The following THSD7B variants were observed in gnomAD, a reference collection of about 807,000 sequenced individuals.
THSD7B encodes thrombospondin type-1 domain-containing protein 7B.
Under a neutral mutation model 213.6 loss-of-function variants are expected in THSD7B, and 138 were observed. That is an observed-to-expected ratio of 0.65 (90% CI 0.56 to 0.74). THSD7B has a LOEUF of 0.74. Among genes scored for constraint, THSD7B ranks in the 30% least tolerant of loss-of-function variants. The pLI is 0.00. For missense variants in THSD7B, 1,931 were observed against 1,991.5 expected, an observed-to-expected ratio of 0.97 and a Z score of 0.58; for synonymous variants, 742 against 687.0, an observed-to-expected ratio of 1.08 and a Z score of -1.25.
chr2:137,311,946 A>G (rs1262406666), intron 12 of THSD7B, among the ~76,000 whole-genome samples: 2 of 144,128 alleles, frequency 1.4e-5, no homozygotes, highest in African/African-American at 5.2e-5. Context: ...ATGTTCATCA[A>G]GGATATTGGT....
intron 1 of THSD7B, among the ~76,000 whole-genome samples, chr2:136,800,586 G>A (rs1453100908): frequency 6.6e-6 from 1 of 151,998 alleles, no homozygotes; most frequent in Admixed American, 6.6e-5. Flanking sequence ...ACTGTTTAAT[G>A]TATTGTTCAA....
At chr2:136,925,158 T>C (rs541351314) in intron 2 of THSD7B, among the ~76,000 whole-genome samples, 1 of 152,290 alleles carries the variant, frequency 6.6e-6, no homozygotes, top group African/African-American at 2.4e-5. Context: ...GATTTACATG[T>C]CTTCTATTCA....
chr2:137,496,984 A>G (rs1679583109), intron 15 of THSD7B, among the ~76,000 whole-genome samples: 1 of 152,128 alleles, frequency 6.6e-6, no homozygotes, highest in African/African-American at 2.4e-5. Flanking sequence ...GATTCTTTGT[A>G]TGTCCATTCT....
At chr2:137,036,821 G>A (rs1410641841) in intron 2 of THSD7B, among the ~76,000 whole-genome samples, 7 of 152,130 alleles carry the variant, frequency 4.6e-5, no homozygotes, top group African/African-American at 9.7e-5. Flanking sequence ...TTGTCTGTCC[G>A]CACAGTGGCT....
At chr2:136,956,321 A>C (rs1219286726) in intron 2 of THSD7B, among the ~76,000 whole-genome samples, 2 of 152,176 alleles carry the variant, frequency 1.3e-5, no homozygotes, top group African/African-American at 4.8e-5. Flanking sequence ...TGAGTCTTCC[A>C]GTGGCTAAAA....
At chr2:136,860,238 G>A (rs945137549) in intron 1 of THSD7B, among the ~76,000 whole-genome samples, 3 of 151,932 alleles carry the variant, frequency 2.0e-5, no homozygotes, top group African/African-American at 7.3e-5. Flanking sequence ...ACAGCGATGC[G>A]AGTAGAGGGA....
At chr2:137,626,581 T>G (rs1195693272) in intron 20 of THSD7B, among the ~76,000 whole-genome samples, 1 of 152,204 alleles carries the variant, frequency 6.6e-6, no homozygotes, top group Non-Finnish European at 1.5e-5. Context: ...GCAAAGGGTC[T>G]CTTGGCAGTA....
chr2:137,477,881 T>C (rs973250396), intron 15 of THSD7B, among the ~76,000 whole-genome samples: 1 of 152,128 alleles, frequency 6.6e-6, no homozygotes, highest in Non-Finnish European at 1.5e-5. Context: ...TAGTTTTTTT[T>C]TTCTTTCAGC....
intron 2 of THSD7B, among the ~76,000 whole-genome samples, chr2:136,889,691 A>G (rs1470850875): frequency 6.6e-6 from 1 of 152,156 alleles, no homozygotes; most frequent in African/African-American, 2.4e-5. Flanking sequence ...TCACATGCCC[A>G]TCATTAATTT....
At chr2:137,304,806 G>T (rs540845806) in intron 12 of THSD7B, among the ~76,000 whole-genome samples, 1 of 151,774 alleles carries the variant, frequency 6.6e-6, no homozygotes, top group African/African-American at 2.4e-5. Flanking sequence ...ATGATATATA[G>T]TTTTCTTAGC....
chr2:136,966,102 C>A (rs1333827989), intron 2 of THSD7B, among the ~76,000 whole-genome samples: 1 of 152,206 alleles, frequency 6.6e-6, no homozygotes, highest in Non-Finnish European at 1.5e-5. Flanking sequence ...AGATCTTCCC[C>A]TCCTGGCAAC....
intron 12 of THSD7B, among the ~76,000 whole-genome samples, chr2:137,328,366 A>T (rs542211247): frequency 1.2e-3 from 179 of 152,318 alleles, no homozygotes; most frequent in Non-Finnish European, 2.2e-3. Context: ...CCAAGACTTA[A>T]TTGTATTGAA....
chr2:137,102,448 G>T (rs1688169203), intron 4 of THSD7B, among the ~76,000 whole-genome samples: 1 of 152,226 alleles, frequency 6.6e-6, no homozygotes, highest in African/African-American at 2.4e-5. Context: ...GTGCAAAAAT[G>T]CTGAAAATTC....
chr2:136,988,002 C>A (rs1317797259), intron 2 of THSD7B, among the ~76,000 whole-genome samples: 1 of 152,130 alleles, frequency 6.6e-6, no homozygotes, highest in East Asian at 1.9e-4. Flanking sequence ...TTAACAAAAC[C>A]TTTATTGAAA....
intron 12 of THSD7B, among the ~76,000 whole-genome samples, chr2:137,324,572 A>G (rs770428719): frequency 2.6e-5 from 4 of 152,198 alleles, no homozygotes; most frequent in Non-Finnish European, 5.9e-5. Context: ...TTAAAGGGGT[A>G]TAAATTACAT....
chr2:137,043,234 C>A (rs192684150), intron 2 of THSD7B, among the ~76,000 whole-genome samples: 1 of 152,218 alleles, frequency 6.6e-6, no homozygotes, highest in East Asian at 1.9e-4. Context: ...CCCTTCCTAC[C>A]GCCAGGGTCC....
intron 1 of THSD7B, among the ~76,000 whole-genome samples, chr2:136,861,665 A>T (rs1057306901): frequency 6.6e-6 from 1 of 152,194 alleles, no homozygotes; most frequent in Non-Finnish European, 1.5e-5. Flanking sequence ...CTCCCTTTTT[A>T]TCTTCTTTCT....
At chr2:137,649,332 G>C (rs867911685) in intron 21 of THSD7B, among the ~76,000 whole-genome samples, 24 of 151,704 alleles carry the variant, frequency 1.6e-4, no homozygotes, top group Middle Eastern at 3.2e-3. Flanking sequence ...TGACACAAAA[G>C]AAAAAAAATC....
intron 27 of THSD7B, among the ~76,000 whole-genome samples, chr2:137,669,437 A>AT (rs142527511): frequency 0.18 from 26,493 of 150,600 alleles, 2,982 homozygotes; most frequent in Middle Eastern, 0.34. Context: ...CCTAGAATCA[A>AT]TTTTTTTTTT....
Sources: allele counts gnomAD v4.1 joint callset (sites outside exome capture counted in the v4.1 genomes callset), GRCh38; gene constraint gnomAD v4.1.1; transcripts MANE v1.5; gene names NCBI Gene and HGNC (gene_info 2026-07-23, HGNC 2026-07-21).